The following KCNMB4 variants were observed in gnomAD, a reference collection of about 807,000 sequenced individuals.
KCNMB4 encodes calcium-activated potassium channel subunit beta-4.
In KCNMB4, 3 loss-of-function variants were observed where a neutral mutation model predicts 20.7. The ratio of observed to expected loss-of-function variants is 0.14; its 90% CI spans 0.07 to 0.37. The LOEUF (loss-of-function observed/expected upper bound fraction) is 0.37. KCNMB4 is among the 10% of genes least tolerant of loss of function. The probability of loss-of-function intolerance (pLI) is 1.00; values close to 1 mark genes in which losing one functional copy is unlikely to be tolerated. For missense variants in KCNMB4, 168 were observed against 265.9 expected, an observed-to-expected ratio of 0.63 and a Z score of 2.56; for synonymous variants, 110 against 113.4, an observed-to-expected ratio of 0.97 and a Z score of 0.19.
Position 70,430,454 on chromosome 12 carries a change from CCTTT to C in KCNMB4, c.465-23_465-20del, listed in dbSNP as rs753935231. 52 of 1,609,790 alleles carry C rather than the reference CCTTT, an allele frequency of 3.2e-5. No individual in the cohort carries two copies. The Admixed American group carries it at 6.3e-4, about 19-fold the overall frequency. On this transcript the variant is annotated intron_variant, in intron 2 of 2. Transcript: ENST00000258111. ...TTTCAGTGCCAAGGCATTTGACTGC[CCTTT>C]CTTTCTTATTCTCCATTGTCTTGCA... is the stretch of plus-strand genomic sequence containing the variant.
At chr12:70,416,394 C>A (rs537811110) in intron 2 of KCNMB4, among the ~76,000 whole-genome samples, 10 of 152,252 alleles carry the variant, frequency 6.6e-5, no homozygotes, top group African/African-American at 2.2e-4. Flanking sequence ...TTTATTCCAC[C>A]AATCTGACAG....
intron 2 of KCNMB4, among the ~76,000 whole-genome samples, chr12:70,416,396 A>G (rs913387760): frequency 2.0e-5 from 3 of 152,176 alleles, no homozygotes; most frequent in African/African-American, 4.8e-5. Flanking sequence ...TATTCCACCA[A>G]TCTGACAGTT....
At position 70,412,374 on chromosome 12, in the gene KCNMB4, G is replaced by A. The variant is rs117028018; in HGVS notation, c.464+12038G>A. 6.2e-4 allele frequency among the ~76,000 whole-genome samples: 94 copies of A among 152,324 alleles called. No individual in the cohort carries two copies. The East Asian group carries it at 0.018, about 29-fold the overall frequency. ...AAAGAGCCAGCTTCCTGGCACTCTT[G>A]TGGAATAGCTGCCCCTGCCCTGGCC... On this transcript the variant is annotated intron_variant, in intron 2 of 2. Coordinates refer to ENST00000258111, the MANE Select transcript of KCNMB4 (RefSeq NM_014505.6).
intron 1 of KCNMB4, among the ~76,000 whole-genome samples, chr12:70,386,067 A>G (rs1365149022): frequency 1.3e-5 from 2 of 152,196 alleles, no homozygotes; most frequent in Admixed American, 6.5e-5. Context: ...AAGTTACAGG[A>G]CAGCTTCTCT....
At chr12:70,409,553 C>G (rs73326379) in intron 2 of KCNMB4, among the ~76,000 whole-genome samples, 139 of 152,270 alleles carry the variant, frequency 9.1e-4, no homozygotes, top group African/African-American at 3.0e-3. Context: ...AAATAGCAGA[C>G]ACGGTCCTTG....
At chr12:70,384,510 T>C (rs922179950) in intron 1 of KCNMB4, among the ~76,000 whole-genome samples, 2 of 152,176 alleles carry the variant, frequency 1.3e-5, no homozygotes, top group Non-Finnish European at 2.9e-5. Flanking sequence ...ACAGTCCCCG[T>C]TGGGGAAACA....
intron 1 of KCNMB4, among the ~76,000 whole-genome samples, chr12:70,398,807 C>G (rs1002580855): frequency 1.3e-5 from 2 of 152,156 alleles, no homozygotes; most frequent in Non-Finnish European, 2.9e-5. Flanking sequence ...ACCTCGCCAG[C>G]AAATTGGGAA....
At chr12:70,422,616 T>C in intron 2 of KCNMB4, 1 of 1,017,124 alleles carries the variant, frequency 9.8e-7, no homozygotes. Context: ...ATAAAGCCTT[T>C]TTGTGCCAAG....
intron 2 of KCNMB4, among the ~76,000 whole-genome samples, chr12:70,412,342 G>A (rs1868802503): frequency 6.6e-6 from 1 of 152,200 alleles, no homozygotes; most frequent in South Asian, 2.1e-4. Context: ...TAGTAAGAGT[G>A]GAGCAAAAAG....
rs1388284654 is a variant in KCNMB4, at chr12:70,432,778, C to A, written c.*2125C>A. 1.3e-5 allele frequency: 2 copies of A among 152,162 alleles called. No homozygotes were observed. The highest frequency in any genetic ancestry group is 2.4e-5 in the African/African-American group (1 of 41,438). The allele number at this position is 152,162 out of a possible 1,614,324, so 9.4% of individuals were successfully genotyped here. A position where few individuals can be genotyped will look rare whatever the true frequency, so the allele number is the denominator to read the frequency against. ...CGAAACTGGGAGTCCGAGAAATAATCATCTCTGCATCACATTATGGGAGAC... is the reference window on the plus strand; with the variant it reads ...CGAAACTGGGAGTCCGAGAAATAATAATCTCTGCATCACATTATGGGAGAC... On this transcript the variant is annotated 3_prime_UTR_variant, in exon 3 of 3. Transcript: ENST00000258111.
intron 2 of KCNMB4, among the ~76,000 whole-genome samples, chr12:70,422,027 T>C (rs1213015736): frequency 5.9e-5 from 9 of 152,196 alleles, no homozygotes; most frequent in Non-Finnish European, 5.9e-5. Flanking sequence ...AAATGGCATG[T>C]ATTGTCCCAA....
At chr12:70,409,665 G>A (rs1868715102) in intron 2 of KCNMB4, among the ~76,000 whole-genome samples, 1 of 152,184 alleles carries the variant, frequency 6.6e-6, no homozygotes, top group Admixed American at 6.5e-5. Flanking sequence ...AGATATTACG[G>A]CATGATGGGG....
At chr12:70,393,289 G>A (rs1424855768) in intron 1 of KCNMB4, among the ~76,000 whole-genome samples, 2 of 152,018 alleles carry the variant, frequency 1.3e-5, no homozygotes, top group Non-Finnish European at 2.9e-5. Flanking sequence ...TACAACCTCT[G>A]CCTCCCGGGT....
chr12:70,367,491 A>G (rs973648133), intron 1 of KCNMB4, among the ~76,000 whole-genome samples: 2 of 152,040 alleles, frequency 1.3e-5, no homozygotes, highest in Admixed American at 1.3e-4. Flanking sequence ...CTCATCTAGA[A>G]CTCAGATGGA....
chr12:70,405,313 T>A (rs1868568944), intron 2 of KCNMB4, among the ~76,000 whole-genome samples: 1 of 152,006 alleles, frequency 6.6e-6, no homozygotes, highest in Non-Finnish European at 1.5e-5. Flanking sequence ...TAATCTGATT[T>A]AAAAAAAGGC....
intron 2 of KCNMB4, among the ~76,000 whole-genome samples, chr12:70,403,002 A>G (rs1868497355): frequency 2.0e-5 from 3 of 152,142 alleles, no homozygotes; most frequent in African/African-American, 7.2e-5. Flanking sequence ...AACCAATCAC[A>G]AGAAAGAACA....
chr12:70,422,369 T>G (rs1869089429), intron 2 of KCNMB4, among the ~76,000 whole-genome samples: 2 of 152,226 alleles, frequency 1.3e-5, no homozygotes, highest in African/African-American at 4.8e-5. Flanking sequence ...CAGCTAGTTT[T>G]CAAAATCCTG....
chr12:70,406,338 A>G (rs1868601435), intron 2 of KCNMB4, among the ~76,000 whole-genome samples: 1 of 152,168 alleles, frequency 6.6e-6, no homozygotes, highest in Non-Finnish European at 1.5e-5. Context: ...AAAGTTTCCT[A>G]TGACTGGAAA....
chr12:70,375,361 G>A (rs750910584), intron 1 of KCNMB4, among the ~76,000 whole-genome samples: 3 of 152,118 alleles, frequency 2.0e-5, no homozygotes, highest in East Asian at 1.9e-4. Flanking sequence ...CTGGCTGAGC[G>A]TGGTGGCTCA....
Sources: gnomAD v4.1 joint callset for allele counts (sites outside exome capture counted in the v4.1 genomes callset) on GRCh38, gnomAD v4.1.1 for gene constraint, MANE v1.5 for transcripts, NCBI Gene and HGNC (gene_info 2026-07-23, HGNC 2026-07-21) for gene names.